RARB: variants seen among roughly 807,000 people sequenced by gnomAD.
RARB encodes the protein retinoic acid receptor beta.
RARB carries 17 observed loss-of-function variants against 51.9 expected under a neutral mutation model. The observed-to-expected ratio is 0.33, with a 90% CI of 0.22 to 0.49. The LOEUF (loss-of-function observed/expected upper bound fraction) is 0.49, where lower values mean the gene tolerates loss of function less well. Ranked by LOEUF, RARB falls within the 20% of genes least tolerant of loss-of-function variation. The probability of loss-of-function intolerance (pLI) is 0.99; values close to 1 mark genes in which losing one functional copy is unlikely to be tolerated. For synonymous variants in RARB, 215 were observed against 195.4 expected (o/e 1.10, Z -0.84); for missense variants, 369 against 550.8 (o/e 0.67, Z 3.30).
At chr3:25,069,360 C>T (rs1180111270) in intron 3 of RARB, among the ~76,000 whole-genome samples, 1 of 152,170 alleles carries the variant, frequency 6.6e-6, no homozygotes, top group Non-Finnish European at 1.5e-5. Flanking sequence ...TCACTCAGTT[C>T]CCTGGTGACA....
chr3:25,394,654 CCT>C (rs1395379660), intron 5 of RARB, among the ~76,000 whole-genome samples: 4 of 151,994 alleles, frequency 2.6e-5, no homozygotes, highest in African/African-American at 9.7e-5. Flanking sequence ...TTATGTAATG[CCT>C]CTCTTTGTGT....
At chr3:25,335,447 C>G (rs1705035491) in intron 5 of RARB, among the ~76,000 whole-genome samples, 1 of 152,184 alleles carries the variant, frequency 6.6e-6, no homozygotes, top group South Asian at 2.1e-4. Context: ...GTGTGAGAGA[C>G]CTCTGTGGCC....
chr3:25,367,521 A>T (rs1269884782), intron 5 of RARB, among the ~76,000 whole-genome samples: 1 of 152,014 alleles, frequency 6.6e-6, no homozygotes, highest in Non-Finnish European at 1.5e-5. Flanking sequence ...TCTCAGCTGA[A>T]ATGTGGCTGT....
chr3:24,889,362 A>G (rs1703327793), intron 2 of RARB, among the ~76,000 whole-genome samples: 1 of 152,176 alleles, frequency 6.6e-6, no homozygotes, highest in Non-Finnish European at 1.5e-5. Flanking sequence ...GCAGGAGAGA[A>G]AATCTTGACT....
intron 2 of RARB, among the ~76,000 whole-genome samples, chr3:24,985,410 TA>T (rs766699230): frequency 3.3e-5 from 5 of 151,256 alleles, no homozygotes; most frequent in Non-Finnish European, 5.9e-5. Flanking sequence ...TGGGTTAAAC[TA>T]AACAGAATTC....
chr3:25,179,068 T>C (rs1421945454), intron 5 of RARB, among the ~76,000 whole-genome samples: 1 of 152,174 alleles, frequency 6.6e-6, no homozygotes, highest in African/African-American at 2.4e-5. Context: ...CAGAAAGTGC[T>C]CTCCTGTCAA....
intron 2 of RARB, among the ~76,000 whole-genome samples, chr3:24,965,237 C>G (rs1218634460): frequency 6.6e-6 from 1 of 151,980 alleles, no homozygotes; most frequent in Non-Finnish European, 1.5e-5. Context: ...TATTTTGTAT[C>G]TATCTGGGTG....
intron 2 of RARB, among the ~76,000 whole-genome samples, chr3:24,968,818 G>A (rs1559415497): frequency 6.6e-6 from 1 of 152,072 alleles, no homozygotes; most frequent in Non-Finnish European, 1.5e-5. Context: ...CAGTGTGAGT[G>A]GGTAGACTAC....
intron 5 of RARB, among the ~76,000 whole-genome samples, chr3:25,328,982 G>A (rs774962852): frequency 5.3e-5 from 8 of 152,148 alleles, no homozygotes; most frequent in Admixed American, 2.0e-4. Flanking sequence ...GGGGAGGGGC[G>A]TCCACCATTG....
At chr3:25,467,975 A>G (rs1294501211) in intron 2 of RARB, among the ~76,000 whole-genome samples, 3 of 152,150 alleles carry the variant, frequency 2.0e-5, no homozygotes, top group South Asian at 2.1e-4. Flanking sequence ...ATTTAGGGGT[A>G]TTCTATTTCA....
At chr3:25,354,421 C>T (rs1419964770) in intron 5 of RARB, among the ~76,000 whole-genome samples, 1 of 152,080 alleles carries the variant, frequency 6.6e-6, no homozygotes, top group Non-Finnish European at 1.5e-5. Context: ...CTGTTCTTCT[C>T]GTTTCTAAAA....
intron 2 of RARB, among the ~76,000 whole-genome samples, chr3:25,059,007 C>G (rs1371947525): frequency 6.6e-6 from 1 of 151,276 alleles, no homozygotes; most frequent in Non-Finnish European, 1.5e-5. Flanking sequence ...GTATTAATGC[C>G]TTGGCCAGTA....
chr3:25,476,155 C>T (rs13087022), intron 2 of RARB, among the ~76,000 whole-genome samples: 8,922 of 152,236 alleles, frequency 0.059, 298 homozygotes, highest in East Asian at 0.18. Context: ...CTAAAGCAGT[C>T]CTCTTGGCCT....
chr3:25,434,706 T>C (rs1352071778), intron 1 of RARB, among the ~76,000 whole-genome samples: 2 of 151,930 alleles, frequency 1.3e-5, no homozygotes, highest in Non-Finnish European at 2.9e-5. Flanking sequence ...CACACCTGGC[T>C]AATTTTTGTA....
intron 5 of RARB, among the ~76,000 whole-genome samples, chr3:25,315,118 C>T (rs1263590861): frequency 1.3e-5 from 2 of 152,114 alleles, no homozygotes; most frequent in African/African-American, 4.8e-5. Flanking sequence ...ATTTAAAATT[C>T]ATGCTGAATG....
At chr3:25,441,719 A>G (rs1431138724) in intron 1 of RARB, among the ~76,000 whole-genome samples, 1 of 152,156 alleles carries the variant, frequency 6.6e-6, no homozygotes, top group Non-Finnish European at 1.5e-5. Context: ...TGCCATAGCT[A>G]CCATTAAAAT....
chr3:25,391,690 T>C (rs545601595), intron 5 of RARB, among the ~76,000 whole-genome samples: 1 of 152,326 alleles, frequency 6.6e-6, no homozygotes, highest in South Asian at 2.1e-4. Context: ...GTATATCTTC[T>C]TTTGAGAATT....
At chr3:25,073,419 A>G (rs1015606390) in intron 3 of RARB, among the ~76,000 whole-genome samples, 5 of 152,348 alleles carry the variant, frequency 3.3e-5, no homozygotes, top group Admixed American at 2.6e-4. Context: ...ACCTCAGAAC[A>G]TTAGTTCTGC....
intron 2 of RARB, among the ~76,000 whole-genome samples, chr3:25,002,636 C>T (rs1213008073): frequency 6.6e-6 from 1 of 152,044 alleles, no homozygotes; most frequent in Non-Finnish European, 1.5e-5. Context: ...GGCATATTTT[C>T]TATCAGCTTT....
Sources: allele counts gnomAD v4.1 joint callset (sites outside exome capture counted in the v4.1 genomes callset), GRCh38; gene constraint gnomAD v4.1.1; transcripts MANE v1.5; gene names NCBI Gene and HGNC (gene_info 2026-07-23, HGNC 2026-07-21).